The following ADK variants were observed in gnomAD, a reference collection of about 807,000 sequenced individuals.
ADK encodes N6,N6-dimethyladenosine kinase.
In ADK, 24 loss-of-function variants were observed where a neutral mutation model predicts 44.7. The observed-to-expected ratio is 0.54, with a 90% confidence interval of 0.39 to 0.76. The LOEUF (loss-of-function observed/expected upper bound fraction) is 0.76. Among genes scored for constraint, ADK ranks in the 30% least tolerant of loss-of-function variants. ADK has a pLI of 0.00. For missense variants in ADK, 321 were observed against 425.1 expected (o/e 0.76, Z 2.15); for synonymous variants, 128 against 142.6 (o/e 0.90, Z 0.73).
At chr10:74,654,475 T>G (rs1416974552) in intron 9 of ADK, among the ~76,000 whole-genome samples, 1 of 152,228 alleles carries the variant, frequency 6.6e-6, no homozygotes, top group Non-Finnish European at 1.5e-5. Flanking sequence ...CCCACCTATG[T>G]CACTTAGGAT....
At chr10:74,564,776 A>G (rs1850590262) in intron 7 of ADK, among the ~76,000 whole-genome samples, 1 of 143,170 alleles carries the variant, frequency 7.0e-6, no homozygotes, top group Admixed American at 6.7e-5. Context: ...AATTAAATAT[A>G]AGTCATTTTG....
chr10:74,556,847 C>T (rs1850267440), intron 7 of ADK, among the ~76,000 whole-genome samples: 1 of 152,122 alleles, frequency 6.6e-6, no homozygotes, highest in Non-Finnish European at 1.5e-5. Context: ...ATTTCAGTGC[C>T]TGGTGGTATC....
chr10:74,464,232 T>G (rs923323894), intron 6 of ADK, among the ~76,000 whole-genome samples: 3 of 152,174 alleles, frequency 2.0e-5, no homozygotes, highest in Non-Finnish European at 4.4e-5. Flanking sequence ...AAGGATATCA[T>G]GTGAGTGTGC....
At chr10:74,457,214 T>C (rs976484441) in intron 6 of ADK, among the ~76,000 whole-genome samples, 1 of 152,050 alleles carries the variant, frequency 6.6e-6, no homozygotes, top group African/African-American at 2.4e-5. Flanking sequence ...TCTACGCAAA[T>C]AAACTAGAAA....
intron 4 of ADK, among the ~76,000 whole-genome samples, chr10:74,360,738 C>T (rs2131940796): frequency 6.6e-6 from 1 of 152,184 alleles, no homozygotes; most frequent in South Asian, 2.1e-4. Flanking sequence ...GTCTATTTTG[C>T]CTAATGTAAT....
At chr10:74,479,220 C>T (rs1846974221) in intron 6 of ADK, among the ~76,000 whole-genome samples, 1 of 151,198 alleles carries the variant, frequency 6.6e-6, no homozygotes, top group Non-Finnish European at 1.5e-5. Flanking sequence ...CTGGTCTCAA[C>T]ACCCGGGACT....
intron 3 of ADK, among the ~76,000 whole-genome samples, chr10:74,289,367 A>G (rs945082428): frequency 6.6e-6 from 1 of 152,132 alleles, no homozygotes; most frequent in South Asian, 2.1e-4. Context: ...CATTTTTGAT[A>G]TGGTACTCTG....
chr10:74,263,853 A>G (rs551258537), intron 3 of ADK, among the ~76,000 whole-genome samples: 1 of 152,152 alleles, frequency 6.6e-6, no homozygotes, highest in East Asian at 1.9e-4. Context: ...TATGTAATTT[A>G]TTTTCACCTG....
At chr10:74,603,512 G>GGTTTTCTGT (rs1852216194) in intron 9 of ADK, among the ~76,000 whole-genome samples, 1 of 152,026 alleles carries the variant, frequency 6.6e-6, no homozygotes, top group South Asian at 2.1e-4. Flanking sequence ...TGCAGTGTTT[G>GGTTTTCTGT]GTTTTCTGTT....
At chr10:74,464,403 T>TA (rs143848611) in intron 6 of ADK, among the ~76,000 whole-genome samples, 3,799 of 151,326 alleles carry the variant, frequency 0.025, 62 homozygotes, top group Admixed American at 0.038. Flanking sequence ...AAAAAAAAAT[T>TA]ACCTGGACAT....
intron 1 of ADK, among the ~76,000 whole-genome samples, chr10:74,154,179 G>C (rs1841689106): frequency 6.6e-6 from 1 of 152,176 alleles, no homozygotes; most frequent in Admixed American, 6.5e-5. Flanking sequence ...CTGAAGCAGA[G>C]ATGTATGGGG....
chr10:74,195,099 A>AG (rs1843080026), intron 1 of ADK, among the ~76,000 whole-genome samples: 1 of 151,654 alleles, frequency 6.6e-6, no homozygotes, highest in East Asian at 1.9e-4. Flanking sequence ...CCAAAAAAAA[A>AG]AGATTGTTCA....
At chr10:74,169,246 A>C (rs1032509853) in intron 1 of ADK, among the ~76,000 whole-genome samples, 1 of 152,198 alleles carries the variant, frequency 6.6e-6, no homozygotes, top group South Asian at 2.1e-4. Flanking sequence ...AATATATTTC[A>C]TAAGGTTAGC....
intron 6 of ADK, 100 bp from the exon 7 acceptor site, chr10:74,525,156 T>C (rs1246400360): frequency 8.4e-7 from 1 of 1,185,778 alleles, no homozygotes; most frequent in East Asian, 2.4e-5. Context: ...TATAATTGTA[T>C]TTTATATACT....
intron 3 of ADK, among the ~76,000 whole-genome samples, chr10:74,257,516 A>G (rs988678999): frequency 1.3e-5 from 2 of 152,192 alleles, no homozygotes; most frequent in African/African-American, 4.8e-5. Context: ...TAATAAAGCA[A>G]TTTATAATTT....
chr10:74,239,002 A>G (rs1030361984), intron 3 of ADK, among the ~76,000 whole-genome samples: 43 of 151,996 alleles, frequency 2.8e-4, no homozygotes, highest in African/African-American at 9.2e-4. Context: ...CTGGGATTAC[A>G]GGGGCCAGCC....
intron 1 of ADK, among the ~76,000 whole-genome samples, chr10:74,182,642 G>T (rs2132088139): frequency 6.6e-6 from 1 of 152,196 alleles, no homozygotes; most frequent in East Asian, 1.9e-4. Flanking sequence ...GTGCTCACAG[G>T]CATGAGCTAC....
At chr10:74,411,628 G>A (rs1355733075) in intron 6 of ADK, among the ~76,000 whole-genome samples, 1 of 152,240 alleles carries the variant, frequency 6.6e-6, no homozygotes, top group Non-Finnish European at 1.5e-5. Flanking sequence ...TCTTGCACCA[G>A]TGTTGATGGC....
At chr10:74,538,550 C>T (rs977933653) in intron 7 of ADK, among the ~76,000 whole-genome samples, 1 of 152,134 alleles carries the variant, frequency 6.6e-6, no homozygotes, top group Admixed American at 6.6e-5. Flanking sequence ...CATATTTGGA[C>T]AGGATATGCC....
Sources: allele counts gnomAD v4.1 joint callset (sites outside exome capture counted in the v4.1 genomes callset), GRCh38; gene constraint gnomAD v4.1.1; transcripts MANE v1.5; gene names NCBI Gene and HGNC (gene_info 2026-07-23, HGNC 2026-07-21).